OLFM3: variants seen among roughly 807,000 people sequenced by gnomAD.
OLFM3 encodes olfactomedin 3.
A neutral mutation model predicts 48.6 loss-of-function variants in OLFM3; 20 were observed. The observed-to-expected ratio is 0.41, with a 90% CI of 0.29 to 0.60. OLFM3 has a LOEUF of 0.60. Ranked by LOEUF, OLFM3 falls within the 20% of genes least tolerant of loss-of-function variation. The pLI, the probability that OLFM3 is intolerant of heterozygous loss-of-function variation, is 0.28. For synonymous variants in OLFM3, 222 were observed against 198.1 expected (o/e 1.12, Z -1.01); for missense variants, 437 against 544.3 (o/e 0.80, Z 1.96).
intron 2 of OLFM3, among the ~76,000 whole-genome samples, chr1:101,836,619 T>C (rs772169158): frequency 2.0e-5 from 3 of 150,480 alleles, no homozygotes; most frequent in Non-Finnish European, 3.0e-5. Flanking sequence ...TAATGAGATA[T>C]CAACTAGAGA....
At chr1:101,994,422 C>T (rs1012442979) in intron 1 of OLFM3, among the ~76,000 whole-genome samples, 7 of 150,460 alleles carry the variant, frequency 4.7e-5, no homozygotes, top group Non-Finnish European at 8.9e-5. Context: ...ATTTTAATTT[C>T]ACCATATATA....
At chr1:101,847,210 G>T in intron 1 of OLFM3, 1 of 254,746 alleles carries the variant, frequency 3.9e-6, no homozygotes, top group Non-Finnish European at 6.2e-6. Flanking sequence ...AAATATTCTT[G>T]ATAGGCTTGG....
At chr1:101,878,132 G>C (rs1657376192) in intron 1 of OLFM3, among the ~76,000 whole-genome samples, 1 of 151,774 alleles carries the variant, frequency 6.6e-6, no homozygotes, top group African/African-American at 2.4e-5. Context: ...CTCTGAAAGT[G>C]GAAAAATCTT....
At chr1:101,810,851 A>C (rs2100868543) in intron 4 of OLFM3, among the ~76,000 whole-genome samples, 1 of 151,780 alleles carries the variant, frequency 6.6e-6, no homozygotes, top group Admixed American at 6.6e-5. Context: ...TAATATATAT[A>C]TCAAAGCTAA....
chr1:101,960,533 A>G (rs943827117), intron 1 of OLFM3, among the ~76,000 whole-genome samples: 3 of 152,204 alleles, frequency 2.0e-5, no homozygotes, highest in Non-Finnish European at 2.9e-5. Context: ...TTTGCCAATC[A>G]TATGAGCTAC....
intron 1 of OLFM3, among the ~76,000 whole-genome samples, chr1:101,877,539 AC>A (rs1261476336): frequency 2.0e-5 from 3 of 151,966 alleles, no homozygotes; most frequent in Non-Finnish European, 4.4e-5. Context: ...ATCAGAAGTT[AC>A]TTTTGTATAT....
chr1:101,992,830 G>A (rs923802644), intron 1 of OLFM3, among the ~76,000 whole-genome samples: 3 of 151,922 alleles, frequency 2.0e-5, no homozygotes, highest in African/African-American at 7.3e-5. Context: ...ATGCCTATAG[G>A]GCTTTAAAGC....
chr1:101,853,037 C>T (rs958017797), intron 1 of OLFM3, among the ~76,000 whole-genome samples: 1 of 152,096 alleles, frequency 6.6e-6, no homozygotes, highest in Non-Finnish European at 1.5e-5. Context: ...TGCACACCAA[C>T]ATTATCTTCT....
chr1:101,943,152 G>C (rs1659845495), intron 1 of OLFM3, among the ~76,000 whole-genome samples: 1 of 152,174 alleles, frequency 6.6e-6, no homozygotes, highest in Non-Finnish European at 1.5e-5. Flanking sequence ...TTTATAAATT[G>C]TATTAATGTT....
chr1:101,996,249 G>A (rs12118113), intron 1 of OLFM3, among the ~76,000 whole-genome samples: 27,325 of 152,100 alleles, frequency 0.18, 2,666 homozygotes, highest in Non-Finnish European at 0.2. Flanking sequence ...GCTCTGCCAT[G>A]TGTTTTACAA....
chr1:101,836,956 A>C lies in OLFM3; in HGVS notation c.139T>G (p.Cys47Gly). 1 of 1,614,156 alleles carries C rather than the reference A, an allele frequency of 6.2e-7. No individual in the cohort carries two copies. The highest frequency in any genetic ancestry group is 8.5e-7 in the Non-Finnish European group (1 of 1,180,006). ...TTTTGTTCTGGAGCAACAACTGTGC[A>C]AATGCACCGCCCATCAGGATCCTGA... ...SAQDPDGRCI[C>G]TVVAPEQNLC... Residue 47 changes from cysteine (C) to glycine (G), a missense_variant, in exon 2 of 6, where the codon TGC becomes GGC. Cys to Gly is a radical substitution (Grantham distance 159). Coordinates refer to ENST00000370103, the MANE Select transcript of OLFM3 (RefSeq NM_058170.4).
At chr1:101,845,246 C>A (rs1655938762) in intron 1 of OLFM3, among the ~76,000 whole-genome samples, 1 of 151,696 alleles carries the variant, frequency 6.6e-6, no homozygotes, top group Admixed American at 6.6e-5. Flanking sequence ...AAAACATATA[C>A]AGACATACAG....
intron 1 of OLFM3, among the ~76,000 whole-genome samples, chr1:101,951,484 C>T (rs1030838353): frequency 2.0e-5 from 3 of 152,066 alleles, no homozygotes; most frequent in African/African-American, 4.8e-5. Flanking sequence ...AACTAATCAT[C>T]GGAATGATCA....
chr1:101,838,849 A>AT (rs1655569009), intron 1 of OLFM3, among the ~76,000 whole-genome samples: 1 of 152,218 alleles, frequency 6.6e-6, no homozygotes, highest in Admixed American at 6.5e-5. Context: ...TTACCATAGT[A>AT]GGTGGAGTCT....
At chr1:101,872,852 A>G (rs901512497) in intron 1 of OLFM3, among the ~76,000 whole-genome samples, 4 of 151,936 alleles carry the variant, frequency 2.6e-5, no homozygotes, top group African/African-American at 9.7e-5. Context: ...AAGATTGTCT[A>G]GCACTCTATA....
At chr1:101,865,244 G>C (rs1021633782) in intron 1 of OLFM3, among the ~76,000 whole-genome samples, 1 of 151,808 alleles carries the variant, frequency 6.6e-6, no homozygotes, top group African/African-American at 2.4e-5. Flanking sequence ...CTCCTAATTG[G>C]AACAGCCCTG....
chr1:101,841,016 A>G (rs1462765043), intron 1 of OLFM3, among the ~76,000 whole-genome samples: 1 of 152,244 alleles, frequency 6.6e-6, no homozygotes, highest in Non-Finnish European at 1.5e-5. Context: ...TCTAAATAGG[A>G]GAATTAAAAT....
At chr1:101,886,267 G>GA (rs66708360) in intron 1 of OLFM3, among the ~76,000 whole-genome samples, 42 of 149,420 alleles carry the variant, frequency 2.8e-4, no homozygotes, top group African/African-American at 6.1e-4. Flanking sequence ...ACATGGTATG[G>GA]AAAAAAAAAA....
chr1:101,980,101 C>T (rs1661067181), intron 1 of OLFM3, among the ~76,000 whole-genome samples: 1 of 152,104 alleles, frequency 6.6e-6, no homozygotes, highest in South Asian at 2.1e-4. Context: ...TTATCCAATG[C>T]CTGTACTCTC....
Sources: gnomAD v4.1 joint callset for allele counts (sites outside exome capture counted in the v4.1 genomes callset) on GRCh38, gnomAD v4.1.1 for gene constraint, MANE v1.5 for transcripts, NCBI Gene and HGNC (gene_info 2026-07-23, HGNC 2026-07-21) for gene names.